The following SCAPER variants were observed in gnomAD, a reference collection of about 807,000 sequenced individuals.
The protein encoded by SCAPER is S-phase cyclin A associated protein in the ER, also known as S phase cyclin A-associated protein in the endoplasmic reticulum.
SCAPER carries 98 observed loss-of-function variants against 182.2 expected under a neutral mutation model. The ratio of observed to expected loss-of-function variants is 0.54; its 90% confidence interval spans 0.46 to 0.64. SCAPER has a LOEUF of 0.64. Ranked by LOEUF, SCAPER falls within the 30% of genes least tolerant of loss-of-function variation. The pLI is 0.00. For missense variants in SCAPER, 1,432 were observed against 1,690.0 expected (o/e 0.85, Z 2.68); for synonymous variants, 605 against 564.6 (o/e 1.07, Z -1.01).
intron 8 of SCAPER, among the ~76,000 whole-genome samples, chr15:76,779,273 T>C (rs1298287811): frequency 1.3e-5 from 2 of 152,082 alleles, no homozygotes; most frequent in Non-Finnish European, 2.9e-5. Flanking sequence ...TTAACCATGA[T>C]AAACCATATC....
intron 29 of SCAPER, among the ~76,000 whole-genome samples, chr15:76,359,112 T>G (rs1430965277): frequency 1.3e-5 from 2 of 152,242 alleles, no homozygotes; most frequent in East Asian, 3.8e-4. Flanking sequence ...TTTGGTTAGC[T>G]GACCAGTTCT....
At chr15:76,672,035 C>A (rs1289203095) in intron 20 of SCAPER, among the ~76,000 whole-genome samples, 1 of 152,088 alleles carries the variant, frequency 6.6e-6, no homozygotes, top group Non-Finnish European at 1.5e-5. Flanking sequence ...TGGAGGGCAG[C>A]CCTTATGACT....
chr15:76,674,147 C>G (rs1169717160), intron 20 of SCAPER, among the ~76,000 whole-genome samples: 1 of 151,962 alleles, frequency 6.6e-6, no homozygotes, highest in East Asian at 1.9e-4. Flanking sequence ...AAATGTATTA[C>G]AAATAATAAA....
chr15:76,667,650 A>AAAAAAAAAAAAAAAAAAAAAAAAAC (rs2056702054), intron 20 of SCAPER, among the ~76,000 whole-genome samples: 3 of 103,838 alleles, frequency 2.9e-5, no homozygotes, highest in African/African-American at 1.1e-4. Context: ...AAAAAAAAAA[A>AAAAAAAAAAAAAAAAAAAAAAAAAC]AAAAAAAAAA....
At chr15:76,895,767 G>C (rs1279582390) in intron 1 of SCAPER, among the ~76,000 whole-genome samples, 1 of 152,132 alleles carries the variant, frequency 6.6e-6, no homozygotes, top group African/African-American at 2.4e-5. Context: ...CCGGCCAGGT[G>C]CAGGAGCTCA....
chr15:76,875,330 ATATG>A (rs2073059908), intron 2 of SCAPER, among the ~76,000 whole-genome samples: 1 of 152,354 alleles, frequency 6.6e-6, no homozygotes, highest in African/African-American at 2.4e-5. Context: ...AAAATCATAT[ATATG>A]TATGTGTATA....
intron 14 of SCAPER, among the ~76,000 whole-genome samples, chr15:76,757,873 TC>T (rs2151222403): frequency 6.6e-6 from 1 of 152,336 alleles, no homozygotes; most frequent in East Asian, 1.9e-4. Flanking sequence ...TGAGCACCTT[TC>T]CATGTACCTG....
At chr15:76,671,490 G>T (rs1191131491) in intron 20 of SCAPER, among the ~76,000 whole-genome samples, 3 of 151,904 alleles carry the variant, frequency 2.0e-5, no homozygotes, top group Non-Finnish European at 4.4e-5. Context: ...CCAAATAGAA[G>T]TGAGTGTGGT....
intron 1 of SCAPER, among the ~76,000 whole-genome samples, chr15:76,901,771 G>A (rs1413748871): frequency 6.6e-6 from 1 of 151,060 alleles, no homozygotes; most frequent in Admixed American, 6.6e-5. Context: ...TCAGGCTGCA[G>A]TGCAGTGGCA....
chr15:76,679,913 G>C (rs2057591378), intron 20 of SCAPER, among the ~76,000 whole-genome samples: 1 of 152,142 alleles, frequency 6.6e-6, no homozygotes, highest in Admixed American at 6.6e-5. Context: ...AGAAACGTCT[G>C]AGCTCAATAT....
chr15:76,883,069 T>C (rs762597918), intron 2 of SCAPER, among the ~76,000 whole-genome samples: 51 of 152,114 alleles, frequency 3.4e-4, no homozygotes, highest in Non-Finnish European at 7.4e-4. Context: ...CAGTAACTAA[T>C]TGAGTAAACA....
At chr15:76,902,201 C>T (rs974625516) in intron 1 of SCAPER, among the ~76,000 whole-genome samples, 5 of 152,324 alleles carry the variant, frequency 3.3e-5, no homozygotes, top group Admixed American at 1.3e-4. Context: ...TGCAGCAACA[C>T]GGATAGAGCT....
chr15:76,786,540 T>A (rs2064623808), intron 8 of SCAPER, among the ~76,000 whole-genome samples: 2 of 152,072 alleles, frequency 1.3e-5, no homozygotes, highest in Non-Finnish European at 2.9e-5. Context: ...AACATAATAC[T>A]TAGTGGTGCA....
chr15:76,820,264 A>T (rs1416208791), intron 5 of SCAPER, among the ~76,000 whole-genome samples: 1 of 152,092 alleles, frequency 6.6e-6, no homozygotes, highest in African/African-American at 2.4e-5. Context: ...ACTATAAATC[A>T]TGCTGCTATA....
chr15:76,635,219 C>T (rs1439469478), intron 21 of SCAPER, among the ~76,000 whole-genome samples: 3 of 152,146 alleles, frequency 2.0e-5, no homozygotes, highest in African/African-American at 7.2e-5. Context: ...AGGGTACAAG[C>T]CATAACCAAT....
intron 26 of SCAPER, among the ~76,000 whole-genome samples, chr15:76,427,486 G>A (rs1429396957): frequency 6.6e-6 from 1 of 152,046 alleles, no homozygotes; most frequent in Non-Finnish European, 1.5e-5. Context: ...TAATCATCAA[G>A]GAAATGCCAA....
At chr15:76,846,374 C>G (rs1408059864) in intron 4 of SCAPER, among the ~76,000 whole-genome samples, 3 of 152,032 alleles carry the variant, frequency 2.0e-5, no homozygotes. Context: ...AAAAAAACTT[C>G]TGCACAGCAA....
intron 21 of SCAPER, among the ~76,000 whole-genome samples, chr15:76,646,235 G>T (rs2054534143): frequency 6.6e-6 from 1 of 152,188 alleles, no homozygotes; most frequent in South Asian, 2.1e-4. Context: ...CAGATACTAA[G>T]GGTTAACTCT....
At chr15:76,727,783 T>C (rs1484162812) in intron 17 of SCAPER, among the ~76,000 whole-genome samples, 1 of 151,746 alleles carries the variant, frequency 6.6e-6, no homozygotes, top group East Asian at 1.9e-4. Flanking sequence ...ACACAACCTA[T>C]AGGTATATTT....
Sources: gnomAD v4.1 joint callset for allele counts (sites outside exome capture counted in the v4.1 genomes callset) on GRCh38, gnomAD v4.1.1 for gene constraint, MANE v1.5 for transcripts, NCBI Gene and HGNC (gene_info 2026-07-23, HGNC 2026-07-21) for gene names.